The following TJAP1 variants were observed in gnomAD, a reference collection of about 807,000 sequenced individuals.
TJAP1 encodes the protein tight junction-associated protein 1.
TJAP1 carries 27 observed loss-of-function variants against 42.0 expected under a neutral mutation model. The observed-to-expected ratio is 0.64, with a 90% CI of 0.47 to 0.89. TJAP1 has a LOEUF of 0.89. Ranked by LOEUF, TJAP1 falls within the 40% of genes least tolerant of loss-of-function variation. The pLI is 0.00. For synonymous variants in TJAP1, 257 were observed against 288.4 expected, an observed-to-expected ratio of 0.89 and a Z score of 1.10; for missense variants, 712 against 726.9, an observed-to-expected ratio of 0.98 and a Z score of 0.24.
chr6:43,504,929 G>A (rs1355174666), exon 11 of TJAP1: 10 of 1,614,180 alleles, frequency 6.2e-6, no homozygotes, highest in Non-Finnish European at 7.6e-6. Context: ...AGCCCAGTCA[G>A]GCAGCGCCGG....
In TJAP1 at chr6:43,496,743, C is replaced by G. The variant is rs138179762; in HGVS notation, c.-121-1138C>G. On this transcript the variant is annotated intron_variant, in intron 2 of 10. Coordinates refer to ENST00000372449, the Ensembl canonical transcript of TJAP1. ...TTTAGCCCGCAAGGCTTCCCTCAAC[C>G]TCCAGCTCTGTTTAGGTTGATGGGG... Among the ~76,000 whole-genome samples, 325 of 152,350 alleles carry G rather than the reference C, an allele frequency of 2.1e-3. 2 individuals carry two copies. The highest frequency in any genetic ancestry group is 6.8e-3 in the Middle Eastern group (2 of 294).
chr6:43,493,239 A>G (rs1788226461), intron 2 of TJAP1, among the ~76,000 whole-genome samples: 1 of 152,200 alleles, frequency 6.6e-6, no homozygotes, highest in African/African-American at 2.4e-5. Context: ...GGTTGTGTTC[A>G]TTGACTCCTT....
Position 43,503,513 on chromosome 6 carries a change from G to A in TJAP1, c.495+5G>A. 6.2e-7 allele frequency: 1 copy of A among 1,613,544 alleles called. No homozygotes were observed. On this transcript the variant is annotated splice_donor_5th_base_variant and intron_variant, in intron 9 of 10. Transcript: ENST00000372449. ...AACAAGCTGGAAGAGCTCAATGTAT[G>A]TGCGCTTCACTACTCGGGCCTTCCT...
At chr6:43,502,979 C>T in intron 8 of TJAP1, 1 of 468,452 alleles carries the variant, frequency 2.1e-6, no homozygotes, top group South Asian at 2.3e-5. Flanking sequence ...CCCTGCTCAA[C>T]AAGGTGCCCT....
chr6:43,501,927 A>ACTCTCTCTCT (rs201624955), intron 6 of TJAP1, among the ~76,000 whole-genome samples: 1 of 71,594 alleles, frequency 1.4e-5, no homozygotes, highest in Non-Finnish European at 2.5e-5. Context: ...ACACACACAC[A>ACTCTCTCTCT]CTCTCTCTCT....
intron 4 of TJAP1, 131 bp from the exon 5 acceptor site, chr6:43,500,613 C>A: frequency 3.2e-6 from 3 of 941,522 alleles, no homozygotes; most frequent in Non-Finnish European, 3.4e-6. Context: ...CCGTAGAGAG[C>A]CCTGCAGCCC....
intron 2 of TJAP1, among the ~76,000 whole-genome samples, chr6:43,488,544 A>T (rs911012167): frequency 1.3e-5 from 2 of 152,176 alleles, no homozygotes; most frequent in African/African-American, 4.8e-5. Flanking sequence ...CACTCATTTC[A>T]TTTTTGCCTT....
Position 43,501,891 on chromosome 6 carries a change from C to CCACACACA in TJAP1, c.290+234_290+241dup, listed in dbSNP as rs550223728. Among the ~76,000 whole-genome samples the CCACACACA allele has an allele frequency of 1.2e-3, 45 of 39,078 alleles. 1 individual carries two copies. Among genetic ancestry groups the CCACACACA allele is most frequent in the African/African-American group, 2.8e-3 (26 of 9,296 alleles). 25.6% of individuals were successfully genotyped at this position (39,078 alleles called of 152,430 possible). ...GTTCTGCAGGTGTGGGAATGCGGGGCCACACACACACACACACACACACAC... is the reference window on the plus strand; with the variant it reads ...GTTCTGCAGGTGTGGGAATGCGGGGCCACACACACACACACACACACACACACACACAC... On this transcript the variant is annotated intron_variant, in intron 6 of 10. Coordinates refer to ENST00000372449, the Ensembl canonical transcript of TJAP1.
At chr6:43,493,091 A>T (rs1788172667) in intron 2 of TJAP1, among the ~76,000 whole-genome samples, 1 of 152,246 alleles carries the variant, frequency 6.6e-6, no homozygotes, top group African/African-American at 2.4e-5. Context: ...CAGCTGGTGT[A>T]TTCTGAAACG....
chr6:43,479,018 C>T (rs564320308), intron 2 of TJAP1, among the ~76,000 whole-genome samples: 1 of 152,174 alleles, frequency 6.6e-6, no homozygotes, highest in Non-Finnish European at 1.5e-5. Context: ...TCCCATCAAA[C>T]CACTTTTGAA....
Position 43,505,010 on chromosome 6 carries a change from C to A in TJAP1, c.829C>A (p.Pro277Thr). Residue 277 changes from proline to threonine, a missense_variant, in exon 11 of 11, where the codon CCC (proline) becomes ACC (threonine). Coordinates refer to ENST00000372449, the Ensembl canonical transcript of TJAP1. The surrounding 1 kb of genome is among the most constrained non-coding windows in gnomAD (Gnocchi z 5.5). ...GGGTGTCCCAGGTGATCCAGCCAGT[C>A]CCCCGGCCCCTGGCAGCCCCACCCC... The A allele has an allele frequency of 6.2e-7, 1 of 1,614,042 alleles. No individual in the cohort carries two copies. Among genetic ancestry groups the A allele is most frequent in the African/African-American group, 1.3e-5 (1 of 75,018 alleles).
chr6:43,501,889 G>T, intron 6 of TJAP1, among the ~76,000 whole-genome samples: 1 of 90,640 alleles, frequency 1.1e-5, no homozygotes, highest in Non-Finnish European at 2.0e-5. Context: ...GGGAATGCGG[G>T]GCCACACACA....
intron 10 of TJAP1, chr6:43,504,095 TAGA>T (rs764355074): frequency 8.3e-5 from 30 of 359,328 alleles, no homozygotes; most frequent in African/African-American, 3.4e-4. Context: ...CCTGCAGAAG[TAGA>T]AGAAGTAGAG....
intron 2 of TJAP1, among the ~76,000 whole-genome samples, chr6:43,484,521 C>T (rs1786022079): frequency 6.6e-6 from 1 of 152,146 alleles, no homozygotes; most frequent in African/African-American, 2.4e-5. Flanking sequence ...ATAAATTTCC[C>T]ATTTTGGAGC....
intron 2 of TJAP1, among the ~76,000 whole-genome samples, chr6:43,482,573 C>T (rs1373348525): frequency 6.6e-6 from 1 of 152,178 alleles, no homozygotes; most frequent in African/African-American, 2.4e-5. Context: ...CTTGAGTGCC[C>T]TTCTTCTGTG....
chr6:43,505,854 A>AG lies in TJAP1; in HGVS notation c.*2dup. ...CAGGAGCAGGGCAACCTGCTCAACT[A>AG]GGGCCCCTGCTGGCCTTCCTGCCAT... Residue 558 remains the stop codon, a frameshift_variant and stop_retained_variant, in exon 11 of 11, where the codon TAG becomes TAGG. Coordinates refer to ENST00000372449, the Ensembl canonical transcript of TJAP1. LOFTEE classifies it high-confidence loss of function. This position sits in a 1 kb window ranked among gnomAD's most constrained non-coding sequence, Gnocchi z 5.5. The AG allele has an allele frequency of 6.8e-7, 1 of 1,461,168 alleles. No homozygotes were observed. The highest frequency in any genetic ancestry group is 9.0e-7 in the Non-Finnish European group (1 of 1,111,038). 90.5% of individuals were successfully genotyped at this position (1,461,168 alleles called of 1,614,324 possible). A position where few individuals can be genotyped will look rare whatever the true frequency, so the allele number is the denominator to read the frequency against.
chr6:43,497,452 A>G (rs970842167), intron 2 of TJAP1: 3 of 152,212 alleles, frequency 2.0e-5, no homozygotes, highest in African/African-American at 7.2e-5. Context: ...CTCTCTTTCC[A>G]TCATTTTCTC....
chr6:43,478,659 GT>G (rs1411725064), intron 2 of TJAP1: 12 of 152,216 alleles, frequency 7.9e-5, no homozygotes, highest in Admixed American at 7.9e-4. Flanking sequence ...GACCATTTAG[GT>G]ACCTGCTGTC....
chr6:43,504,822 G>C, exon 11 of TJAP1: 2 of 1,614,238 alleles, frequency 1.2e-6, no homozygotes, highest in South Asian at 2.2e-5. Flanking sequence ...GAGGCCGCCA[G>C]CCCAGGTCCT....
Sources: allele counts gnomAD v4.1 joint callset (sites outside exome capture counted in the v4.1 genomes callset), GRCh38; gene constraint gnomAD v4.1.1; non-coding constraint Gnocchi (gnomAD v3.1); transcripts MANE v1.5; gene names NCBI Gene and HGNC (gene_info 2026-07-23, HGNC 2026-07-21).